The following DENND1B variants were observed in gnomAD, a reference collection of about 807,000 sequenced individuals.
DENND1B encodes DENN domain containing 1B.
Under a neutral mutation model 90.1 loss-of-function variants are expected in DENND1B, and 59 were observed. The ratio of observed to expected loss-of-function variants is 0.65; its 90% CI spans 0.53 to 0.81. The LOEUF is 0.81. Among genes scored for constraint, DENND1B ranks in the 40% least tolerant of loss-of-function variants. DENND1B has a pLI of 0.00. For missense variants in DENND1B, 862 were observed against 912.6 expected (o/e 0.94, Z 0.71); for synonymous variants, 337 against 324.6 (o/e 1.04, Z -0.41).
intron 3 of DENND1B, among the ~76,000 whole-genome samples, chr1:197,697,453 C>G (rs1039135259): frequency 1.3e-5 from 2 of 151,722 alleles, no homozygotes; most frequent in Admixed American, 6.6e-5. Flanking sequence ...ACTCAATTAT[C>G]TGAACTATAT....
intron 15 of DENND1B, among the ~76,000 whole-genome samples, chr1:197,572,032 T>C (rs958948025): frequency 2.0e-5 from 3 of 152,114 alleles, no homozygotes; most frequent in African/African-American, 4.8e-5. Flanking sequence ...GCATTTCCGA[T>C]TGAGGTACAT....
chr1:197,635,479 G>A (rs187488077), intron 10 of DENND1B, among the ~76,000 whole-genome samples: 1 of 151,906 alleles, frequency 6.6e-6, no homozygotes, highest in African/African-American at 2.4e-5. Flanking sequence ...TGGGATTACA[G>A]GCGTGTGACA....
chr1:197,714,462 G>T (rs924837494), intron 3 of DENND1B, among the ~76,000 whole-genome samples: 1 of 151,842 alleles, frequency 6.6e-6, no homozygotes, highest in Non-Finnish European at 1.5e-5. Flanking sequence ...AGGAACTACA[G>T]AAGACTATAA....
chr1:197,707,555 CAT>C lies in DENND1B; in HGVS notation c.126+7474_126+7475del, dbSNP rs1337744855. On this transcript the variant is annotated intron_variant, in intron 3 of 22. Coordinates refer to ENST00000620048, the MANE Select transcript of DENND1B (RefSeq NM_001195215.2). Reference sequence around the variant, plus strand: ...GTATAATATCTATATCATTATCACCCATATATATGTGTAATTATATGCATATA... The same window carrying C: ...GTATAATATCTATATCATTATCACCCATATATGTGTAATTATATGCATATA... 4.7e-5 allele frequency among the ~76,000 whole-genome samples: 7 copies of C among 147,458 alleles called. No homozygotes were observed. In the South Asian group the frequency reaches 6.3e-4, roughly 13 times the overall value.
At chr1:197,633,281 G>A (rs1336141378) in intron 10 of DENND1B, among the ~76,000 whole-genome samples, 1 of 152,164 alleles carries the variant, frequency 6.6e-6, no homozygotes, top group Non-Finnish European at 1.5e-5. Context: ...ATGTGTAGAA[G>A]GGTACAAACA....
intron 18 of DENND1B, among the ~76,000 whole-genome samples, chr1:197,543,914 T>C (rs1670525061): frequency 1.3e-5 from 2 of 152,178 alleles, no homozygotes; most frequent in South Asian, 4.1e-4. Flanking sequence ...TTATTATTAA[T>C]TCAATCACAT....
chr1:197,698,368 G>A (rs1167443935), intron 3 of DENND1B, among the ~76,000 whole-genome samples: 1 of 152,018 alleles, frequency 6.6e-6, no homozygotes, highest in African/African-American at 2.4e-5. Context: ...AAACCAATGA[G>A]AACAAAGAGA....
At position 197,536,182 on chromosome 1, in the gene DENND1B, G is replaced by C. The variant is rs191155940; in HGVS notation, c.1515+3782C>G. ...AGATAGATGAGATGAGATGAGATGA[G>C]ATGAGATGACATGAGATGAGTAGGG... On this transcript the variant is annotated intron_variant, in intron 20 of 22. Coordinates refer to ENST00000620048, the MANE Select transcript of DENND1B (RefSeq NM_001195215.2). 2.2e-3 allele frequency among the ~76,000 whole-genome samples: 324 copies of C among 149,796 alleles called. 3 individuals carry two copies. Among genetic ancestry groups the C allele is most frequent in the African/African-American group, 7.7e-3 (312 of 40,716 alleles).
intron 21 of DENND1B, among the ~76,000 whole-genome samples, chr1:197,512,612 T>C (rs931635872): frequency 4.0e-5 from 6 of 151,670 alleles, no homozygotes; most frequent in African/African-American, 1.5e-4. Flanking sequence ...GGGCTTCTAT[T>C]GCCCCTTTAA....
At chr1:197,724,506 A>G (rs976593080) in intron 2 of DENND1B, among the ~76,000 whole-genome samples, 5 of 152,152 alleles carry the variant, frequency 3.3e-5, no homozygotes, top group African/African-American at 9.7e-5. Context: ...CACCTCAGGC[A>G]CATGACAAAA....
chr1:197,528,039 G>T (rs575996292), intron 20 of DENND1B, among the ~76,000 whole-genome samples: 1 of 152,080 alleles, frequency 6.6e-6, no homozygotes, highest in South Asian at 2.1e-4. Flanking sequence ...GAATTCCTAT[G>T]AATGAAAGTG....
At chr1:197,643,408 C>T (rs900099939) in intron 9 of DENND1B, among the ~76,000 whole-genome samples, 2 of 152,062 alleles carry the variant, frequency 1.3e-5, no homozygotes, top group African/African-American at 2.4e-5. Context: ...CTGCCCACCT[C>T]GGCCTCCCAA....
upstream of DENND1B, among the ~76,000 whole-genome samples, chr1:197,780,365 C>T (rs1301078743): frequency 3.5e-5 from 5 of 144,742 alleles, no homozygotes; most frequent in East Asian, 1.0e-3. Flanking sequence ...CTCGCTCTGT[C>T]GCCAGGCTGG....
intron 2 of DENND1B, among the ~76,000 whole-genome samples, chr1:197,718,139 G>A (rs986239657): frequency 1.3e-5 from 2 of 151,954 alleles, no homozygotes; most frequent in South Asian, 2.1e-4. Flanking sequence ...GAGATGTGAG[G>A]AGCATATGTT....
chr1:197,572,975 C>T (rs1019554965), intron 15 of DENND1B, among the ~76,000 whole-genome samples: 1 of 152,130 alleles, frequency 6.6e-6, no homozygotes, highest in East Asian at 1.9e-4. Flanking sequence ...TCTGTGGGAT[C>T]GGTGGTGATA....
intron 10 of DENND1B, among the ~76,000 whole-genome samples, chr1:197,619,780 A>G (rs1677981649): frequency 1.3e-5 from 2 of 151,204 alleles, no homozygotes; most frequent in African/African-American, 4.8e-5. Flanking sequence ...ACATTATCTG[A>G]TGAATTTGAC....
chr1:197,644,035 C>G (rs1436796246), intron 9 of DENND1B, among the ~76,000 whole-genome samples: 1 of 152,146 alleles, frequency 6.6e-6, no homozygotes, highest in African/African-American at 2.4e-5. Flanking sequence ...TTTACCATCA[C>G]AAATTGGTAA....
At chr1:197,669,163 T>A (rs1655237027) in intron 5 of DENND1B, among the ~76,000 whole-genome samples, 2 of 152,186 alleles carry the variant, frequency 1.3e-5, no homozygotes, top group South Asian at 4.1e-4. Flanking sequence ...ATTTTAGATT[T>A]TATTATACTT....
chr1:197,577,077 T>G (rs1191968221), intron 15 of DENND1B, among the ~76,000 whole-genome samples: 2 of 151,910 alleles, frequency 1.3e-5, no homozygotes, highest in African/African-American at 2.4e-5. Flanking sequence ...TAAAGTAATA[T>G]AGGCACAGAA....
Sources: gnomAD v4.1 joint callset for allele counts (sites outside exome capture counted in the v4.1 genomes callset) on GRCh38, gnomAD v4.1.1 for gene constraint, MANE v1.5 for transcripts, NCBI Gene and HGNC (gene_info 2026-07-23, HGNC 2026-07-21) for gene names.